The following HOOK3 variants were observed in gnomAD, a reference collection of about 807,000 sequenced individuals.
HOOK3 encodes the protein protein Hook homolog 3.
A neutral mutation model predicts 116.3 loss-of-function variants in HOOK3; 24 were observed. The observed-to-expected ratio is 0.21, with a 90% CI of 0.15 to 0.29. The LOEUF is 0.29. Among genes scored for constraint, HOOK3 ranks in the 10% least tolerant of loss-of-function variants. The probability of loss-of-function intolerance (pLI) is 1.00; values close to 1 mark genes in which losing one functional copy is unlikely to be tolerated. For synonymous variants in HOOK3, 275 were observed against 283.0 expected, an observed-to-expected ratio of 0.97 and a Z score of 0.28; for missense variants, 632 against 830.2, an observed-to-expected ratio of 0.76 and a Z score of 2.93.
intron 5 of HOOK3, among the ~76,000 whole-genome samples, chr8:42,943,975 C>T (rs1367385715): frequency 6.6e-6 from 1 of 152,014 alleles, no homozygotes; most frequent in Non-Finnish European, 1.5e-5. Context: ...GTTTCCTACC[C>T]CAAAATCTGG....
intron 5 of HOOK3, among the ~76,000 whole-genome samples, chr8:42,949,906 ACT>A (rs780012466): frequency 6.6e-6 from 1 of 150,704 alleles, no homozygotes; most frequent in Non-Finnish European, 1.5e-5. Flanking sequence ...ACAGAGTGAG[ACT>A]CTGTCTAAAA....
At chr8:42,952,227 G>C (rs1319746813) in intron 6 of HOOK3, among the ~76,000 whole-genome samples, 1 of 152,298 alleles carries the variant, frequency 6.6e-6, no homozygotes, top group Non-Finnish European at 1.5e-5. Context: ...ACAACTCACA[G>C]AAGTCAGGAA....
At position 42,981,826 on chromosome 8, in the gene HOOK3, G is replaced by A. The variant is rs559827460; in HGVS notation, c.1322-801G>A. ...TTGAACCCAGGAGACAGAGGTTGCA[G>A]TGAGCCAAGATCATACCACTACACT... is the stretch of plus-strand genomic sequence containing the variant. On this transcript the variant is annotated intron_variant, in intron 13 of 21. Coordinates refer to ENST00000307602, the MANE Select transcript of HOOK3 (RefSeq NM_032410.4). Among the ~76,000 whole-genome samples, 15 of 147,684 alleles carry A rather than the reference G, an allele frequency of 1.0e-4. No homozygotes were observed. The East Asian group carries it at 3.0e-3, about 30-fold the overall frequency.
intron 4 of HOOK3, among the ~76,000 whole-genome samples, chr8:42,943,081 G>GT (rs759936899): frequency 2.6e-4 from 40 of 151,488 alleles, no homozygotes; most frequent in South Asian, 2.5e-3. Flanking sequence ...TGTTTGTTTT[G>GT]TTTTTTTTGC....
intron 12 of HOOK3, 26 bp downstream of exon 12, chr8:42,973,425 G>C (rs1473765965): frequency 2.0e-6 from 3 of 1,500,144 alleles, no homozygotes; most frequent in Non-Finnish European, 2.7e-6. Flanking sequence ...AGGCATTTTG[G>C]TTTTGAGCAC....
intron 2 of HOOK3, among the ~76,000 whole-genome samples, chr8:42,909,738 T>G (rs1281659961): frequency 6.6e-6 from 1 of 152,156 alleles, no homozygotes; most frequent in African/African-American, 2.4e-5. Flanking sequence ...GTGCTGAGAT[T>G]AAAGGCGTAA....
chr8:43,005,836 C>T (rs1196995200), intron 17 of HOOK3, among the ~76,000 whole-genome samples: 1 of 149,240 alleles, frequency 6.7e-6, no homozygotes, highest in Non-Finnish European at 1.5e-5. Flanking sequence ...GCTGGGATTA[C>T]AGGCCCCCCC....
intron 4 of HOOK3, among the ~76,000 whole-genome samples, chr8:42,939,539 C>T (rs1160659021): frequency 6.2e-4 from 92 of 147,782 alleles, no homozygotes; most frequent in Non-Finnish European, 1.2e-3. Flanking sequence ...CCCCCACCTC[C>T]CTCCCGGACA....
In HOOK3 at chr8:43,028,107, A is replaced by T. The variant is rs1446884714; in HGVS notation, c.*9609A>T. 5.3e-6 allele frequency: 1 copy of T among 188,092 alleles called. No homozygotes were observed. The highest frequency in any genetic ancestry group is 2.3e-5 in the African/African-American group (1 of 42,876). The allele number at this position is 188,092 out of a possible 1,614,324, so 11.7% of individuals were successfully genotyped here. On this transcript the variant is annotated 3_prime_UTR_variant, in exon 22 of 22. Transcript: ENST00000307602. ...TATATTTTTCTAAGAACAGATTCTC[A>T]ATACTTTATTTTTCAAGTGATAAAA... is the stretch of plus-strand genomic sequence containing the variant.
chr8:42,977,794 G>A (rs1388889361), intron 13 of HOOK3, among the ~76,000 whole-genome samples: 1 of 152,152 alleles, frequency 6.6e-6, no homozygotes, highest in Non-Finnish European at 1.5e-5. Flanking sequence ...TTGAACTCGG[G>A]AGGTGGATGC....
rs1809973718 is a variant in HOOK3 at position 43,028,518 on chromosome 8, CCTTAAA to C, written c.*10022_*10027del. ...GCCAACAGTTTTTTTTGTTTCTGTC[CCTTAAA>C]CATTTCCCCTGAAAGTCCACCTCAA... On this transcript the variant is annotated 3_prime_UTR_variant, in exon 22 of 22. Transcript: ENST00000307602. The C allele has an allele frequency of 1.1e-5, 2 of 188,754 alleles. No homozygotes were observed. The highest frequency in any genetic ancestry group is 1.1e-5 in the Non-Finnish European group (1 of 90,050). The allele number at this position is 188,754 out of a possible 1,614,324, so 11.7% of individuals were successfully genotyped here.
At chr8:42,928,183 G>A (rs1385139631) in intron 3 of HOOK3, among the ~76,000 whole-genome samples, 3 of 152,140 alleles carry the variant, frequency 2.0e-5, no homozygotes, top group African/African-American at 7.2e-5. Flanking sequence ...GGAGGCTGAG[G>A]CAAGAGAATC....
At chr8:42,936,736 A>C (rs1303510207) in intron 4 of HOOK3, among the ~76,000 whole-genome samples, 2 of 152,224 alleles carry the variant, frequency 1.3e-5, no homozygotes, top group African/African-American at 4.8e-5. Context: ...CCCAGGGATG[A>C]AGCCAACTTG....
chr8:42,998,571 G>A (rs10106661), intron 16 of HOOK3, among the ~76,000 whole-genome samples: 21,002 of 151,920 alleles, frequency 0.14, 1,680 homozygotes, highest in African/African-American at 0.21. Flanking sequence ...AAAAGGAACC[G>A]AAGAAAGGGA....
chr8:42,965,328 CGT>C (rs397720053), intron 9 of HOOK3, among the ~76,000 whole-genome samples: 19,603 of 151,076 alleles, frequency 0.13, 1,741 homozygotes, highest in African/African-American at 0.25. Context: ...AATCTATATA[CGT>C]GTGTGTGTGT....
intron 21 of HOOK3, among the ~76,000 whole-genome samples, chr8:43,017,438 T>A (rs992692253): frequency 2.0e-5 from 3 of 152,104 alleles, no homozygotes; most frequent in Non-Finnish European, 4.4e-5. Context: ...CTAATTTTTT[T>A]ATTATTTTAG....
intron 15 of HOOK3, among the ~76,000 whole-genome samples, chr8:42,996,579 C>A (rs374807569): frequency 5.9e-5 from 9 of 152,130 alleles, no homozygotes; most frequent in African/African-American, 2.2e-4. Context: ...TTCTCTCCGG[C>A]CTTTCTTCCT....
Position 42,943,449 on chromosome 8 carries a change from A to G in HOOK3, c.400+4A>G. The G allele has an allele frequency of 7.0e-7, 1 of 1,431,610 alleles. No homozygotes were observed. Among genetic ancestry groups the G allele is most frequent in the Non-Finnish European group, 9.2e-7 (1 of 1,082,070 alleles). 88.7% of individuals were successfully genotyped at this position (1,431,610 alleles called of 1,614,324 possible). On this transcript the variant is annotated splice_donor_region_variant and intron_variant, in intron 5 of 21. Transcript: ENST00000307602. ...GTGAACTGTGAACAGAAGCAAGGTAATTTGTTTCAAGTTAGTGTTTGCATT... is the reference window on the plus strand; with the variant it reads ...GTGAACTGTGAACAGAAGCAAGGTAGTTTGTTTCAAGTTAGTGTTTGCATT...
rs192898382 is a variant in HOOK3 at position 42,919,641 on chromosome 8, A to G, written c.144-5916A>G. 5.3e-5 allele frequency among the ~76,000 whole-genome samples: 8 copies of G among 152,344 alleles called. No homozygotes were observed. In the East Asian group the frequency reaches 1.2e-3, roughly 22 times the overall value. ...AGCCGAGATTACGCCACTGCACTCC[A>G]GCCTGGGCAACATTGAGCACTGAGT... On this transcript the variant is annotated intron_variant, in intron 2 of 21. Transcript: ENST00000307602.
Sources: gnomAD v4.1 joint callset for allele counts (sites outside exome capture counted in the v4.1 genomes callset) on GRCh38, gnomAD v4.1.1 for gene constraint, MANE v1.5 for transcripts, NCBI Gene and HGNC (gene_info 2026-07-23, HGNC 2026-07-21) for gene names.